ZNF736: variants seen among roughly 807,000 people sequenced by gnomAD.
ZNF736 encodes KRAB-containing zinc-finger repressor protein.
In ZNF736, 6 loss-of-function variants were observed where a neutral mutation model predicts 11.7. That is an observed-to-expected ratio of 0.51 (90% CI 0.28 to 1.01). The LOEUF (loss-of-function observed/expected upper bound fraction) is 1.01, where lower values mean the gene tolerates loss of function less well. ZNF736 is among the 50% of genes least tolerant of loss of function. ZNF736 has a pLI of 0.09. For synonymous variants in ZNF736, 139 were observed against 164.7 expected (o/e 0.84, Z 1.19); for missense variants, 444 against 496.0 (o/e 0.90, Z 1.00).
chr7:64,332,313 CA>C (rs1789181988), intron 1 of ZNF736, among the ~76,000 whole-genome samples: 2 of 152,106 alleles, frequency 1.3e-5, no homozygotes, highest in Admixed American at 6.5e-5. Context: ...ACTAGGCCAC[CA>C]GGGGTGACAT....
intron 1 of ZNF736, among the ~76,000 whole-genome samples, chr7:64,331,257 T>G (rs1329969445): frequency 6.6e-6 from 1 of 152,198 alleles, no homozygotes; most frequent in African/African-American, 2.4e-5. Flanking sequence ...AATTCCTCTC[T>G]GACTAGGGCT....
intron 1 of ZNF736, among the ~76,000 whole-genome samples, chr7:64,328,565 C>T (rs1218947960): frequency 2.0e-5 from 3 of 152,034 alleles, no homozygotes; most frequent in Admixed American, 1.3e-4. Context: ...TTGAAACCAT[C>T]CTGGCTAACA....
chr7:64,347,765 G>A (rs1174833860), intron 3 of ZNF736, among the ~76,000 whole-genome samples: 1 of 152,158 alleles, frequency 6.6e-6, no homozygotes, highest in Admixed American at 6.5e-5. Context: ...TATTTTTGGA[G>A]GGGGTAGACA....
At chr7:64,314,410 C>A (rs551772567) in intron 1 of ZNF736, among the ~76,000 whole-genome samples, 234 of 152,224 alleles carry the variant, frequency 1.5e-3, no homozygotes, top group Middle Eastern at 0.01. Context: ...CAGCTCTGTG[C>A]CGCAACCTCG....
At chr7:64,320,787 G>A (rs1262020497) in intron 1 of ZNF736, among the ~76,000 whole-genome samples, 1 of 152,022 alleles carries the variant, frequency 6.6e-6, no homozygotes, top group Admixed American at 6.6e-5. Flanking sequence ...ACAGAAAGAA[G>A]GCCTTTCATT....
In ZNF736 at chr7:64,351,459, C is replaced by T. The variant is rs1165105493; in HGVS notation, c.*2312C>T. The T allele has an allele frequency of 3.9e-5, 6 of 152,284 alleles. No individual in the cohort carries two copies. The highest frequency in any genetic ancestry group is 1.4e-4 in the African/African-American group (6 of 41,456). The allele number at this position is 152,284 out of a possible 1,614,324, so 9.4% of individuals were successfully genotyped here. On this transcript the variant is annotated 3_prime_UTR_variant, in exon 4 of 4. Coordinates refer to ENST00000423484, the MANE Select transcript of ZNF736 (RefSeq NM_001170905.3). ...AGCTCTTCATGAGTCAGGCATGTCC[C>T]TCCAGTGCAGATGCTCTGGTATGAG...
chr7:64,355,029 CATTA>C lies in ZNF736; in HGVS notation c.*5886_*5889del, dbSNP rs1789536020. ...AAAATATCTATAGTAAAAAAAATGA[CATTA>C]ATTCTGCATATGAAGAGAGCATAAT... is the stretch of plus-strand genomic sequence containing the variant. On this transcript the variant is annotated 3_prime_UTR_variant, in exon 4 of 4. Transcript: ENST00000423484. The C allele has an allele frequency of 6.6e-6, 1 of 152,144 alleles. No homozygotes were observed. The highest frequency in any genetic ancestry group is 1.5e-5 in the Non-Finnish European group (1 of 68,026). The allele number at this position is 152,144 out of a possible 1,614,324, so 9.4% of individuals were successfully genotyped here. A position where few individuals can be genotyped will look rare whatever the true frequency, so the allele number is the denominator to read the frequency against.
Position 64,319,295 on chromosome 7 carries a change from ATG to A in ZNF736, c.3+5154_3+5155del, listed in dbSNP as rs1344992885. 8.3e-5 allele frequency among the ~76,000 whole-genome samples: 10 copies of A among 120,620 alleles called. No homozygotes were observed. In the South Asian group the frequency reaches 8.8e-4, roughly 11 times the overall value. 79.1% of individuals were successfully genotyped at this position (120,620 alleles called of 152,430 possible). On this transcript the variant is annotated intron_variant, in intron 1 of 3. Coordinates refer to ENST00000423484, the MANE Select transcript of ZNF736 (RefSeq NM_001170905.3). ...ATATATAAAATATGTGTATGTATGTATGTGTGTGTGTGTATATGTATGTGTGT... is the reference window on the plus strand; with the variant it reads ...ATATATAAAATATGTGTATGTATGTATGTGTGTGTGTATATGTATGTGTGT...
At position 64,313,964 on chromosome 7, in the gene ZNF736, G is replaced by T; in HGVS notation, c.-187G>T. 1 of 725,094 alleles carries T rather than the reference G, an allele frequency of 1.4e-6. No individual in the cohort carries two copies. The highest frequency in any genetic ancestry group is 2.5e-5 in the Admixed American group (1 of 40,532). 44.9% of individuals were successfully genotyped at this position (725,094 alleles called of 1,614,324 possible). The stretch of plus-strand genomic sequence containing the variant: ...GTGCGCAGCTACAGAGGAAGAGGCG[G>T]CCTCTTCAATATGGCGGGGCCTTTG... On this transcript the variant is annotated 5_prime_UTR_variant, in exon 1 of 4. Transcript: ENST00000423484.
chr7:64,329,047 A>G (rs1230652154), intron 1 of ZNF736, among the ~76,000 whole-genome samples: 1 of 151,556 alleles, frequency 6.6e-6, no homozygotes, highest in Non-Finnish European at 1.5e-5. Context: ...TCTGCTGTTG[A>G]GAGACTCTAA....
intron 1 of ZNF736, among the ~76,000 whole-genome samples, chr7:64,322,048 A>T (rs1789010776): frequency 6.6e-6 from 1 of 152,124 alleles, no homozygotes; most frequent in African/African-American, 2.4e-5. Context: ...TGAATTTAGC[A>T]ATGAAATAGC....
rs747816921 is a variant in ZNF736 at position 64,350,172 on chromosome 7, C to G, written c.*1025C>G. ...GTATTTCAAGTTGTTTTCATTCTCC[C>G]CATCACTTTCAGGCAATCTCTTGCA... On this transcript the variant is annotated 3_prime_UTR_variant, in exon 4 of 4. Coordinates refer to ENST00000423484, the MANE Select transcript of ZNF736 (RefSeq NM_001170905.3). The G allele has an allele frequency of 4.6e-5, 7 of 152,094 alleles. No individual in the cohort carries two copies. Among genetic ancestry groups the G allele is most frequent in the Non-Finnish European group, 7.4e-5 (5 of 68,022 alleles). The allele number at this position is 152,094 out of a possible 1,614,324, so 9.4% of individuals were successfully genotyped here.
At position 64,349,108 on chromosome 7, in the gene ZNF736, T is replaced by A. The variant is rs1225552281; in HGVS notation, c.1245T>A (p.His415Gln). The part of the protein sequence containing the change: ...ASSWFSHLIR[H>Q]KRIHTREKLH... ...GCTGGTTCTCACACCTCATCAGACA[T>A]AAGAGAATTCATACTAGAGAGAAGC... Residue 415 changes from histidine to glutamine, a missense_variant, in exon 4 of 4, where the codon CAT becomes CAA. By Grantham distance (24) the His-to-Gln change is conservative (BLOSUM62 0). Transcript: ENST00000423484. 6.3e-7 allele frequency: 1 copy of A among 1,577,366 alleles called. No homozygotes were observed.
chr7:64,319,333 G>GTATA lies in ZNF736; in HGVS notation c.3+5224_3+5227dup, dbSNP rs71060585. 3.4e-3 allele frequency among the ~76,000 whole-genome samples: 246 copies of GTATA among 71,584 alleles called. 6 individuals carry two copies. The highest frequency in any genetic ancestry group is 5.4e-3 in the Non-Finnish European group (186 of 34,720). The allele number at this position is 71,584 out of a possible 152,430, so 47.0% of individuals were successfully genotyped here. A position where few individuals can be genotyped will look rare whatever the true frequency, so the allele number is the denominator to read the frequency against. Reference sequence around the variant, plus strand: ...TATATGTATGTGTGTGTGTGTATGTGTATATATATATATATATATATATAT... The same window carrying GTATA: ...TATATGTATGTGTGTGTGTGTATGTGTATATATATATATATATATATATATATAT... On this transcript the variant is annotated intron_variant, in intron 1 of 3. Transcript: ENST00000423484.
intron 1 of ZNF736, among the ~76,000 whole-genome samples, chr7:64,321,860 G>A (rs1050427031): frequency 3.9e-5 from 6 of 152,198 alleles, no homozygotes; most frequent in Non-Finnish European, 8.8e-5. Context: ...TTCAGCCAAG[G>A]TGAGGACAGC....
At chr7:64,334,735 T>G (rs1789220792) in intron 1 of ZNF736, among the ~76,000 whole-genome samples, 1 of 152,208 alleles carries the variant, frequency 6.6e-6, no homozygotes, top group African/African-American at 2.4e-5. Flanking sequence ...TGGTGATTCC[T>G]CAAGGATCTA....
At chr7:64,345,181 G>A (rs999008150) in intron 3 of ZNF736, among the ~76,000 whole-genome samples, 5 of 151,140 alleles carry the variant, frequency 3.3e-5, no homozygotes, top group Non-Finnish European at 7.4e-5. Context: ...TCGCCACCGC[G>A]CCTGGCTAAT....
At chr7:64,329,764 G>A (rs1231350298) in intron 1 of ZNF736, among the ~76,000 whole-genome samples, 1 of 152,120 alleles carries the variant, frequency 6.6e-6, no homozygotes, top group Non-Finnish European at 1.5e-5. Flanking sequence ...CCACTACCTA[G>A]CTACTACTGA....
rs926663581 is a variant in ZNF736 at position 64,354,346 on chromosome 7, A to T, written c.*5199A>T. ...TCAGGTGTAACAGATTTATAGAGAAAGTAATCATATTTGTTTATGGTTGTG... is the reference window on the plus strand; with the variant it reads ...TCAGGTGTAACAGATTTATAGAGAATGTAATCATATTTGTTTATGGTTGTG... On this transcript the variant is annotated 3_prime_UTR_variant, in exon 4 of 4. Coordinates refer to ENST00000423484, the MANE Select transcript of ZNF736 (RefSeq NM_001170905.3). The T allele has an allele frequency of 6.6e-6, 1 of 152,208 alleles. No homozygotes were observed. The highest frequency in any genetic ancestry group is 2.4e-5 in the African/African-American group (1 of 41,464). The allele number at this position is 152,208 out of a possible 1,614,324, so 9.4% of individuals were successfully genotyped here.
Sources: gnomAD v4.1 joint callset for allele counts (sites outside exome capture counted in the v4.1 genomes callset) on GRCh38, gnomAD v4.1.1 for gene constraint, MANE v1.5 for transcripts, NCBI Gene and HGNC (gene_info 2026-07-23, HGNC 2026-07-21) for gene names.